ASIC2: variants seen among roughly 807,000 people sequenced by gnomAD.
ASIC2 encodes the protein acid sensing ion channel subunit 2, also known as acid-sensing ion channel 2.
Under a neutral mutation model 57.3 loss-of-function variants are expected in ASIC2, and 25 were observed. The observed-to-expected ratio is 0.44, with a 90% CI of 0.32 to 0.61. The LOEUF is 0.61. Ranked by LOEUF, ASIC2 falls within the 20% of genes least tolerant of loss-of-function variation. ASIC2 has a pLI of 0.06. For synonymous variants in ASIC2, 319 were observed against 307.5 expected, an observed-to-expected ratio of 1.04 and a Z score of -0.39; for missense variants, 641 against 738.1, an observed-to-expected ratio of 0.87 and a Z score of 1.52.
intron 1 of ASIC2, among the ~76,000 whole-genome samples, chr17:33,992,213 T>C (rs1228437413): frequency 6.6e-6 from 1 of 152,216 alleles, no homozygotes; most frequent in East Asian, 1.9e-4. Context: ...TAACGCTGCA[T>C]AGACTAAGTA....
chr17:33,659,756 C>T (rs1243509384), intron 1 of ASIC2, among the ~76,000 whole-genome samples: 1 of 151,874 alleles, frequency 6.6e-6, no homozygotes, highest in African/African-American at 2.4e-5. Context: ...CCTGTAGTCC[C>T]AGCTACTGGG....
At chr17:33,195,348 T>C (rs574514022) in intron 1 of ASIC2, among the ~76,000 whole-genome samples, 1 of 152,276 alleles carries the variant, frequency 6.6e-6, no homozygotes. Flanking sequence ...ACAAGTCCTC[T>C]ACCCGCTTTA....
intron 6 of ASIC2, among the ~76,000 whole-genome samples, chr17:33,022,989 G>A (rs2091843402): frequency 6.6e-6 from 1 of 152,132 alleles, no homozygotes; most frequent in Non-Finnish European, 1.5e-5. Context: ...GGCTGAGCTT[G>A]AACTCCTGGC....
chr17:33,148,651 A>G (rs923777019), intron 1 of ASIC2, among the ~76,000 whole-genome samples: 8 of 152,240 alleles, frequency 5.3e-5, no homozygotes, highest in African/African-American at 1.9e-4. Context: ...CTTCTTTATT[A>G]TGAAAATTAA....
chr17:33,074,280 A>G (rs1484848472), intron 3 of ASIC2, among the ~76,000 whole-genome samples: 1 of 152,166 alleles, frequency 6.6e-6, no homozygotes, highest in East Asian at 1.9e-4. Context: ...TCAAGGAAAA[A>G]TAAAACAAAA....
intron 1 of ASIC2, among the ~76,000 whole-genome samples, chr17:33,752,656 C>A (rs1309547682): frequency 6.6e-6 from 1 of 152,088 alleles, no homozygotes; most frequent in Non-Finnish European, 1.5e-5. Flanking sequence ...GAATAATATC[C>A]ATGGTATGGG....
chr17:33,983,833 G>A (rs996253914), intron 1 of ASIC2, among the ~76,000 whole-genome samples: 3 of 152,152 alleles, frequency 2.0e-5, no homozygotes, highest in African/African-American at 7.2e-5. Flanking sequence ...GGCATCCAAT[G>A]GGTAGAGGCC....
intron 1 of ASIC2, among the ~76,000 whole-genome samples, chr17:33,889,643 T>G (rs970407688): frequency 6.6e-6 from 1 of 152,230 alleles, no homozygotes; most frequent in African/African-American, 2.4e-5. Context: ...TGCCTACATC[T>G]GCCTTTTCAA....
At chr17:33,299,355 G>A (rs1905855298) in intron 1 of ASIC2, among the ~76,000 whole-genome samples, 2 of 152,330 alleles carry the variant, frequency 1.3e-5, no homozygotes, top group African/African-American at 4.8e-5. Flanking sequence ...ATGTCCAGGA[G>A]TCATGATGGG....
intron 1 of ASIC2, chr17:34,069,730 C>T (rs1909328082): frequency 6.6e-6 from 1 of 152,206 alleles, no homozygotes; most frequent in African/African-American, 2.4e-5. Context: ...CTCTCTTAGC[C>T]ATTCATTGGT....
intron 1 of ASIC2, among the ~76,000 whole-genome samples, chr17:33,414,197 A>T (rs1910758655): frequency 6.6e-6 from 1 of 152,202 alleles, no homozygotes; most frequent in African/African-American, 2.4e-5. Context: ...AGGCAGGAAG[A>T]TTAAGAAAAG....
In ASIC2 at chr17:34,061,333, T is replaced by A. The variant is rs568283128; in HGVS notation, c.555+94645A>T. Among the ~76,000 whole-genome samples the A allele has an allele frequency of 1.2e-4, 18 of 152,204 alleles. 1 individual carries two copies. In the East Asian group the frequency reaches 3.5e-3, roughly 29 times the overall value. On this transcript the variant is annotated intron_variant, in intron 1 of 9. Transcript: ENST00000359872. ...TGCCATTACCAAGCCACCACTACAA[T>A]AACTGCTAAAAGGAGCTCTAAATCT... is the stretch of plus-strand genomic sequence containing the variant.
Position 33,067,819 on chromosome 17 carries a change from C to T in ASIC2, c.987+21044G>A, listed in dbSNP as rs548762446. ...ATGAGAGGATGGAGGTGGGCCAGGACGAGGCGAATTGTTCCTTCAAAGCCA... is the reference window on the plus strand; with the variant it reads ...ATGAGAGGATGGAGGTGGGCCAGGATGAGGCGAATTGTTCCTTCAAAGCCA... On this transcript the variant is annotated intron_variant, in intron 3 of 9. Transcript: ENST00000225823. Among the ~76,000 whole-genome samples, 20 of 152,270 alleles carry T rather than the reference C, an allele frequency of 1.3e-4. No homozygotes were observed. In the South Asian group the frequency reaches 2.1e-3, roughly 16 times the overall value.
chr17:33,071,773 A>C lies in ASIC2; in HGVS notation c.987+17090T>G, dbSNP rs146639620. ...GCTTGAAGATTTGTTAGGCAGAAAC[A>C]AAGCAGCTTTTAGTTTAGGGCTAAT... On this transcript the variant is annotated intron_variant, in intron 3 of 9. Coordinates refer to ENST00000225823, the MANE Select transcript of ASIC2 (RefSeq NM_183377.2). 7.2e-5 allele frequency among the ~76,000 whole-genome samples: 11 copies of C among 152,336 alleles called. No individual in the cohort carries two copies. The East Asian group carries it at 1.4e-3, about 19-fold the overall frequency.
chr17:33,040,346 C>T (rs963017501), intron 3 of ASIC2, among the ~76,000 whole-genome samples: 1 of 152,218 alleles, frequency 6.6e-6, no homozygotes, highest in Non-Finnish European at 1.5e-5. Flanking sequence ...ACAGTTTGAC[C>T]ACTTCTTCAC....
chr17:33,248,601 A>G (rs1908772619), intron 1 of ASIC2, among the ~76,000 whole-genome samples: 1 of 152,312 alleles, frequency 6.6e-6, no homozygotes, highest in South Asian at 2.1e-4. Context: ...AGCTGGAACC[A>G]TTGTGTCAGC....
chr17:33,562,002 C>T (rs917929640), intron 1 of ASIC2, among the ~76,000 whole-genome samples: 3 of 152,190 alleles, frequency 2.0e-5, no homozygotes, highest in African/African-American at 4.8e-5. Flanking sequence ...CCAGACTTCT[C>T]GGGTTTTATC....
At chr17:33,305,243 A>G (rs2142198438) in intron 1 of ASIC2, among the ~76,000 whole-genome samples, 1 of 152,322 alleles carries the variant, frequency 6.6e-6, no homozygotes, top group South Asian at 2.1e-4. Flanking sequence ...ATTTCAGATT[A>G]AACGCAGATT....
At chr17:33,849,150 T>C (rs1913693740) in intron 1 of ASIC2, among the ~76,000 whole-genome samples, 1 of 152,220 alleles carries the variant, frequency 6.6e-6, no homozygotes, top group South Asian at 2.1e-4. Flanking sequence ...AGTGCACTCA[T>C]GTGCAAACAT....
Sources: gnomAD v4.1 joint callset for allele counts (sites outside exome capture counted in the v4.1 genomes callset) on GRCh38, gnomAD v4.1.1 for gene constraint, MANE v1.5 for transcripts, NCBI Gene and HGNC (gene_info 2026-07-23, HGNC 2026-07-21) for gene names.